PPP1R14C: variants seen among roughly 807,000 people sequenced by gnomAD.
PPP1R14C encodes the protein protein phosphatase 1 regulatory inhibitor subunit 14C, also known as protein phosphatase 1 regulatory subunit 14C.
Under a neutral mutation model 20.4 loss-of-function variants are expected in PPP1R14C, and 16 were observed. That is an observed-to-expected ratio of 0.78 (90% confidence interval 0.53 to 1.19). PPP1R14C has a LOEUF of 1.19. PPP1R14C is among the 50% of genes most tolerant of loss of function. The probability of loss-of-function intolerance (pLI) is 0.00; values close to 1 mark genes in which losing one functional copy is unlikely to be tolerated. For missense variants in PPP1R14C, 211 were observed against 220.1 expected (o/e 0.96, Z 0.26); for synonymous variants, 91 against 91.0 (o/e 1.00, Z 0.00).
chr6:150,183,966 A>T (rs1198692250), intron 1 of PPP1R14C, among the ~76,000 whole-genome samples: 3 of 152,238 alleles, frequency 2.0e-5, no homozygotes, highest in Non-Finnish European at 2.9e-5. Flanking sequence ...GACAGTTCAC[A>T]TATTTCCCAA....
intron 1 of PPP1R14C, among the ~76,000 whole-genome samples, chr6:150,212,532 C>T (rs919126695): frequency 6.6e-6 from 1 of 152,174 alleles, no homozygotes; most frequent in African/African-American, 2.4e-5. Flanking sequence ...TGCAGAAAAA[C>T]CCATTGCTGT....
At chr6:150,164,359 G>C (rs574469081) in intron 1 of PPP1R14C, among the ~76,000 whole-genome samples, 12 of 152,238 alleles carry the variant, frequency 7.9e-5, no homozygotes, top group South Asian at 6.2e-4. Flanking sequence ...TGACTTTTGA[G>C]GCACAGAAGT....
At chr6:150,169,114 C>T (rs1217904737) in intron 1 of PPP1R14C, among the ~76,000 whole-genome samples, 9 of 152,152 alleles carry the variant, frequency 5.9e-5, no homozygotes, top group Non-Finnish European at 7.4e-5. Context: ...TGAGCTCAGG[C>T]GATCCACCCA....
At chr6:150,231,767 G>T (rs1391356983) in intron 3 of PPP1R14C, among the ~76,000 whole-genome samples, 1 of 152,118 alleles carries the variant, frequency 6.6e-6, no homozygotes, top group Non-Finnish European at 1.5e-5. Context: ...TGTGTATTTT[G>T]CCCAACATTA....
rs114763033 is a variant in PPP1R14C, at chr6:150,195,112, A to G, written c.307-19632A>G. On this transcript the variant is annotated intron_variant, in intron 1 of 3. Transcript: ENST00000361131. Reference sequence around the variant, plus strand: ...TCAAGAGGAGGTTACTCATGCAATTATGTGGGTTACTCTTATTCTTAACTT... The same window carrying G: ...TCAAGAGGAGGTTACTCATGCAATTGTGTGGGTTACTCTTATTCTTAACTT... The G allele has an allele frequency of 2.9e-3, 2,843 of 983,576 alleles. 71 individuals are homozygous for G. In the African/African-American group the frequency reaches 0.046, roughly 16 times the overall value. 60.9% of individuals were successfully genotyped at this position (983,576 alleles called of 1,614,324 possible). A position where few individuals can be genotyped will look rare whatever the true frequency, so the allele number is the denominator to read the frequency against.
intron 2 of PPP1R14C, among the ~76,000 whole-genome samples, chr6:150,215,760 A>G (rs1778083597): frequency 6.6e-6 from 1 of 152,190 alleles, no homozygotes; most frequent in African/African-American, 2.4e-5. Flanking sequence ...AAAATTGAGA[A>G]CTTGAGAGGA....
chr6:150,237,983 T>A (rs1367628145), intron 3 of PPP1R14C, among the ~76,000 whole-genome samples: 1 of 152,158 alleles, frequency 6.6e-6, no homozygotes, highest in Non-Finnish European at 1.5e-5. Flanking sequence ...CATTATACGA[T>A]CCATAGTCCT....
chr6:150,195,965 C>T, intron 1 of PPP1R14C: 2 of 985,446 alleles, frequency 2.0e-6, no homozygotes, highest in Non-Finnish European at 2.4e-6. Flanking sequence ...GACTGAAGAC[C>T]TGCCACTCTG....
chr6:150,223,912 A>C (rs1385945508), intron 3 of PPP1R14C, among the ~76,000 whole-genome samples: 1 of 152,208 alleles, frequency 6.6e-6, no homozygotes, highest in Non-Finnish European at 1.5e-5. Flanking sequence ...TTGTATCTAC[A>C]AATCACTGGA....
chr6:150,240,124 G>C (rs776914762), intron 3 of PPP1R14C, among the ~76,000 whole-genome samples: 1 of 152,092 alleles, frequency 6.6e-6, no homozygotes, highest in Non-Finnish European at 1.5e-5. Context: ...CTTTGAAAAG[G>C]TCAATACAAT....
intron 1 of PPP1R14C, among the ~76,000 whole-genome samples, chr6:150,156,169 G>A (rs1426234206): frequency 6.6e-6 from 1 of 151,708 alleles, no homozygotes; most frequent in African/African-American, 2.4e-5. Context: ...TGGAGTCCTT[G>A]CACTCTTGGT....
chr6:150,227,420 A>G lies in PPP1R14C; in HGVS notation c.423+10564A>G, dbSNP rs1342560915. ...AAAGAACATTTAGGAATGAAAGGAC[A>G]GAAATGTCAGGCTGTGAGCTTATTC... On this transcript the variant is annotated intron_variant, in intron 3 of 3. Transcript: ENST00000361131. Among the ~76,000 whole-genome samples the G allele has an allele frequency of 1.3e-5, 2 of 152,242 alleles. 1 individual carries two copies. The highest frequency in any genetic ancestry group is 1.3e-4 in the Admixed American group (2 of 15,290).
intron 3 of PPP1R14C, among the ~76,000 whole-genome samples, chr6:150,224,603 C>T (rs1164749269): frequency 9.5e-6 from 1 of 105,340 alleles, no homozygotes. Context: ...TATTTTTCAT[C>T]TCTAGCATTT....
At chr6:150,236,611 C>T (rs562711257) in intron 3 of PPP1R14C, among the ~76,000 whole-genome samples, 8 of 81,724 alleles carry the variant, frequency 9.8e-5, no homozygotes, top group Admixed American at 9.0e-4. Context: ...TGGTTGGTGC[C>T]ACTGTGTGTG....
At chr6:150,227,989 C>A (rs149314780) in intron 3 of PPP1R14C, among the ~76,000 whole-genome samples, 1 of 152,182 alleles carries the variant, frequency 6.6e-6, no homozygotes, top group Non-Finnish European at 1.5e-5. Context: ...GTAAAAGAGC[C>A]GTACGTGCTG....
At position 150,167,162 on chromosome 6, in the gene PPP1R14C, T is replaced by G. The variant is rs112935803; in HGVS notation, c.306+23664T>G. ...CGGGCGGATCACTTGAGGTCAGGAG[T>G]TTGAGACCAGCCTGGCCAACATGGC... On this transcript the variant is annotated intron_variant, in intron 1 of 3. Transcript: ENST00000361131. Among the ~76,000 whole-genome samples, 714 of 152,138 alleles carry G rather than the reference T, an allele frequency of 4.7e-3. 5 individuals carry two copies. Among genetic ancestry groups the G allele is most frequent in the Middle Eastern group, 0.027 (8 of 294 alleles).
At chr6:150,176,053 T>A (rs904722489) in intron 1 of PPP1R14C, among the ~76,000 whole-genome samples, 1 of 152,204 alleles carries the variant, frequency 6.6e-6, no homozygotes, top group African/African-American at 2.4e-5. Context: ...GCTGATGTGA[T>A]CTTGTGTTAT....
At chr6:150,181,282 C>G (rs760671614) in intron 1 of PPP1R14C, among the ~76,000 whole-genome samples, 11 of 152,128 alleles carry the variant, frequency 7.2e-5, no homozygotes, top group Non-Finnish European at 1.3e-4. Context: ...GTTTAAGACT[C>G]TCTTGCCTCA....
intron 1 of PPP1R14C, among the ~76,000 whole-genome samples, chr6:150,158,819 T>A (rs557840443): frequency 6.6e-6 from 1 of 152,354 alleles, no homozygotes; most frequent in East Asian, 1.9e-4. Context: ...TTGGTGTTTT[T>A]TCCATCTTCT....
Sources: gnomAD v4.1 joint callset for allele counts (sites outside exome capture counted in the v4.1 genomes callset) on GRCh38, gnomAD v4.1.1 for gene constraint, MANE v1.5 for transcripts, NCBI Gene and HGNC (gene_info 2026-07-23, HGNC 2026-07-21) for gene names.